Variants in SLC12A8 observed in about 807,000 individuals in gnomAD.
SLC12A8 encodes the protein cation-chloride cotransporter 9.
Under a neutral mutation model 75.6 loss-of-function variants are expected in SLC12A8, and 69 were observed. That is an observed-to-expected ratio of 0.91 (90% CI 0.75 to 1.11). SLC12A8 has a LOEUF of 1.11. Among genes scored for constraint, SLC12A8 ranks in the 50% most tolerant of loss-of-function variants. The pLI is 0.00. For synonymous variants in SLC12A8, 365 were observed against 372.8 expected (o/e 0.98, Z 0.24); for missense variants, 877 against 896.7 (o/e 0.98, Z 0.28).
chr3:125,102,057 AATGTGATATAAATATG>A (rs555277068), intron 10 of SLC12A8, among the ~76,000 whole-genome samples: 24 of 152,368 alleles, frequency 1.6e-4, no homozygotes, highest in African/African-American at 5.8e-4. Context: ...TGTGTGAACA[AATGTGATATAAATATG>A]ATGTGATATA....
At chr3:125,158,134 G>A (rs1042905971) in intron 5 of SLC12A8, among the ~76,000 whole-genome samples, 1 of 151,978 alleles carries the variant, frequency 6.6e-6, no homozygotes, top group Non-Finnish European at 1.5e-5. Flanking sequence ...ACATTTTCTT[G>A]TTTCAATCTA....
intron 10 of SLC12A8, among the ~76,000 whole-genome samples, 172 bp downstream of exon 10, chr3:125,107,309 A>C (rs1470233606): frequency 6.6e-6 from 1 of 152,256 alleles, no homozygotes; most frequent in South Asian, 2.1e-4. Context: ...ATAACAGAGT[A>C]TAATTACAAA....
intron 5 of SLC12A8, among the ~76,000 whole-genome samples, chr3:125,136,104 T>C (rs1933487923): frequency 6.6e-6 from 1 of 152,234 alleles, no homozygotes; most frequent in African/African-American, 2.4e-5. Context: ...CATGTATTTA[T>C]ATGTTTGTTT....
At chr3:125,179,340 A>T (rs987686941) in intron 4 of SLC12A8, among the ~76,000 whole-genome samples, 1 of 152,160 alleles carries the variant, frequency 6.6e-6, no homozygotes, top group Non-Finnish European at 1.5e-5. Flanking sequence ...AAAATTGTTT[A>T]TGCTGATTGT....
In SLC12A8 at chr3:125,190,480, C is replaced by G; in HGVS notation, c.93G>C (p.Leu31=). 1 of 1,614,222 alleles carries G rather than the reference C, an allele frequency of 6.2e-7. No individual in the cohort carries two copies. ...CAAACAGCACAGGCTCCCACATGAA[C>G]AGCTGGGTCTTCCACCAGGGCTGGG... ...AQPQPWWKTQ[L]FMWEPVLFGT... The change falls in exon 3 of 14, where the codon CTG becomes CTC. Residue 31 remains leucine, a synonymous_variant. Transcript: ENST00000469902.
At chr3:125,093,555 A>C (rs1938638162) in intron 10 of SLC12A8, among the ~76,000 whole-genome samples, 1 of 152,128 alleles carries the variant, frequency 6.6e-6, no homozygotes, top group African/African-American at 2.4e-5. Context: ...CTCAGTTATC[A>C]CTTCCTCAGG....
At chr3:125,098,861 C>G (rs936604777) in intron 10 of SLC12A8, among the ~76,000 whole-genome samples, 7 of 152,020 alleles carry the variant, frequency 4.6e-5, no homozygotes, top group Non-Finnish European at 1.0e-4. Context: ...ATGATAAGCA[C>G]AGTAGAAAAA....
At chr3:125,093,484 G>T (rs3965994) in intron 10 of SLC12A8, among the ~76,000 whole-genome samples, 4,884 of 152,100 alleles carry the variant, frequency 0.032, 200 homozygotes, top group East Asian at 0.097. Context: ...GAATCTATCT[G>T]GGATCCACGT....
chr3:125,192,401 T>C (rs1934926124), intron 2 of SLC12A8, among the ~76,000 whole-genome samples: 2 of 152,188 alleles, frequency 1.3e-5, no homozygotes, highest in Admixed American at 1.3e-4. Context: ...TAAACATTAC[T>C]TGCCCTTTTT....
chr3:125,144,537 T>C (rs536931217), intron 5 of SLC12A8, among the ~76,000 whole-genome samples: 9 of 152,246 alleles, frequency 5.9e-5, no homozygotes, highest in Admixed American at 4.6e-4. Flanking sequence ...CCTTATCTCC[T>C]GGGGGAAAGG....
At chr3:125,121,064 C>T (rs1933046121) in intron 6 of SLC12A8, 1 of 559,146 alleles carries the variant, frequency 1.8e-6, no homozygotes, top group Non-Finnish European at 3.1e-6. Flanking sequence ...GTCTGGCAGC[C>T]TCCTGCTCAG....
chr3:125,131,449 C>A (rs1168296273), intron 6 of SLC12A8, among the ~76,000 whole-genome samples: 1 of 152,064 alleles, frequency 6.6e-6, no homozygotes, highest in African/African-American at 2.4e-5. Context: ...TGCAGTGGCA[C>A]GATTTCAGCG....
At chr3:125,199,940 T>C (rs1388277558) in intron 2 of SLC12A8, among the ~76,000 whole-genome samples, 16 of 152,100 alleles carry the variant, frequency 1.1e-4, no homozygotes, top group Admixed American at 1.0e-3. Flanking sequence ...AAACAGGAAG[T>C]AAAATGATAA....
At chr3:125,094,206 C>T (rs986232582) in intron 10 of SLC12A8, among the ~76,000 whole-genome samples, 4 of 152,322 alleles carry the variant, frequency 2.6e-5, no homozygotes, top group African/African-American at 9.6e-5. Context: ...TGCTGTTCCT[C>T]ATTCCAACCA....
intron 3 of SLC12A8, among the ~76,000 whole-genome samples, chr3:125,189,175 A>G (rs1375051630): frequency 6.6e-6 from 1 of 152,222 alleles, no homozygotes; most frequent in Non-Finnish European, 1.5e-5. Context: ...TGAAGGCCTT[A>G]CAAGCAAAGG....
At position 125,083,667 on chromosome 3, in the gene SLC12A8, A is replaced by G. The variant is rs529726192; in HGVS notation, c.*223T>C. On this transcript the variant is annotated 3_prime_UTR_variant, in exon 14 of 14. Transcript: ENST00000469902. ...AACTCGGGAAGCAGAGGTTGCAGTG[A>G]GCCAAGATTGTGCCACTGGACTCCA... 19 of 462,098 alleles carry G rather than the reference A, an allele frequency of 4.1e-5. No individual in the cohort carries two copies. The South Asian group carries it at 4.3e-4, about 11-fold the overall frequency. 28.6% of individuals were successfully genotyped at this position (462,098 alleles called of 1,614,324 possible).
intron 4 of SLC12A8, among the ~76,000 whole-genome samples, chr3:125,183,720 C>T (rs1404752752): frequency 1.3e-5 from 2 of 152,156 alleles, no homozygotes; most frequent in Admixed American, 6.5e-5. Context: ...CGTTCTTCCA[C>T]GTGTCAGCAC....
At chr3:125,112,111 T>TG (rs1242298111) in intron 8 of SLC12A8, among the ~76,000 whole-genome samples, 1 of 152,186 alleles carries the variant, frequency 6.6e-6, no homozygotes, top group Non-Finnish European at 1.5e-5. Context: ...TTACACACAA[T>TG]GGGGGTACTC....
rs181727143 is a variant in SLC12A8 at position 125,120,307 on chromosome 3, G to T, written c.824+292C>A. Among the ~76,000 whole-genome samples, 81 of 151,666 alleles carry T rather than the reference G, an allele frequency of 5.3e-4. No homozygotes were observed. The East Asian group carries it at 0.015, about 29-fold the overall frequency. On this transcript the variant is annotated intron_variant, in intron 7 of 13. Coordinates refer to ENST00000469902, the MANE Select transcript of SLC12A8 (RefSeq NM_024628.6). The stretch of plus-strand genomic sequence containing the variant: ...AAATCCCCAAGTTCAAAATGGGGGT[G>T]GGGGAGGGACGGGGGCGGGAGGCCG...
Sources: gnomAD v4.1 joint callset for allele counts (sites outside exome capture counted in the v4.1 genomes callset) on GRCh38, gnomAD v4.1.1 for gene constraint, MANE v1.5 for transcripts, NCBI Gene and HGNC (gene_info 2026-07-23, HGNC 2026-07-21) for gene names.